MTA3: variants seen among roughly 807,000 people sequenced by gnomAD.
MTA3 encodes the protein metastasis-associated protein MTA3.
A neutral mutation model predicts 83.5 loss-of-function variants in MTA3; 34 were observed. That is an observed-to-expected ratio of 0.41 (90% CI 0.31 to 0.54). MTA3 has a LOEUF of 0.54. MTA3 is among the 20% of genes least tolerant of loss of function. MTA3 has a pLI of 0.33. For synonymous variants in MTA3, 303 were observed against 252.7 expected (o/e 1.20, Z -1.89); for missense variants, 761 against 726.4 (o/e 1.05, Z -0.55).
intron 2 of MTA3, among the ~76,000 whole-genome samples, chr2:42,502,159 G>A (rs1674426690): frequency 1.3e-5 from 2 of 151,874 alleles, no homozygotes; most frequent in Admixed American, 1.3e-4. Context: ...GGTGTTGGGG[G>A]TGGCCAACAG....
At chr2:42,517,937 G>C (rs1252199217) in intron 2 of MTA3, among the ~76,000 whole-genome samples, 1 of 151,480 alleles carries the variant, frequency 6.6e-6, no homozygotes. Context: ...TGTAATCCGA[G>C]CACTTTGGGA....
chr2:42,594,836 C>T (rs866459332), intron 3 of MTA3, among the ~76,000 whole-genome samples: 2 of 143,020 alleles, frequency 1.4e-5, no homozygotes, highest in South Asian at 4.5e-4. Context: ...ACGCCATTCT[C>T]CCGCCTCAGC....
chr2:42,633,843 C>T (rs1228324686), intron 4 of MTA3, among the ~76,000 whole-genome samples: 8 of 150,950 alleles, frequency 5.3e-5, no homozygotes, highest in African/African-American at 1.2e-4. Flanking sequence ...GAGCCGAGAC[C>T]GCGCCACTGC....
chr2:42,553,231 C>G (rs1289870896), intron 2 of MTA3, among the ~76,000 whole-genome samples: 1 of 151,654 alleles, frequency 6.6e-6, no homozygotes, highest in Non-Finnish European at 1.5e-5. Flanking sequence ...CGAGACAATC[C>G]TGGCTAACGC....
intron 3 of MTA3, among the ~76,000 whole-genome samples, chr2:42,595,521 TAAAAG>T (rs1216114405): frequency 6.6e-6 from 1 of 152,140 alleles, no homozygotes; most frequent in Non-Finnish European, 1.5e-5. Flanking sequence ...GGGAAAATAA[TAAAAG>T]AAACCTTTAG....
rs1225523677 is a variant in MTA3 at position 42,695,793 on chromosome 2, T to C, written c.920T>C (p.Ile307Thr). 3.2e-6 allele frequency: 5 copies of C among 1,583,036 alleles called. No homozygotes were observed. The highest frequency in any genetic ancestry group is 1.2e-5 in the South Asian group (1 of 85,004). Residue 307 changes from isoleucine (I) to threonine (T), a missense_variant, in exon 10 of 17, where the codon ATT (isoleucine) becomes ACT (threonine). Ile to Thr is a moderately conservative substitution (Grantham distance 89). Coordinates refer to ENST00000405094, the MANE Select transcript of MTA3 (RefSeq NM_001330442.2). ...FLPWKSLTSI[I>T]EYYYMWKTTD... ...CCTTGGAAATCATTGACTAGCATCATTGAATATTATTACATGTGGAAAACT... is the reference window on the plus strand; with the variant it reads ...CCTTGGAAATCATTGACTAGCATCACTGAATATTATTACATGTGGAAAACT...
upstream of MTA3, among the ~76,000 whole-genome samples, chr2:42,563,887 G>T (rs780632673): frequency 6.9e-6 from 1 of 144,194 alleles, no homozygotes; most frequent in Non-Finnish European, 1.5e-5. Context: ...GCAATGGCGC[G>T]ATCTCGGCTC....
chr2:42,510,797 CAG>C (rs1674864117), intron 2 of MTA3, among the ~76,000 whole-genome samples: 1 of 152,122 alleles, frequency 6.6e-6, no homozygotes, highest in African/African-American at 2.4e-5. Context: ...GAGAGCCAGG[CAG>C]AGAGAGGGGG....
chr2:42,553,868 CT>C (rs1677247031), intron 2 of MTA3, among the ~76,000 whole-genome samples: 1 of 60,684 alleles, frequency 1.6e-5, no homozygotes. Context: ...AAGACTCCAT[CT>C]CAAAAAAAAA....
chr2:42,648,304 T>C lies in MTA3; in HGVS notation c.499+4060T>C, dbSNP rs189639645. 2.6e-4 allele frequency among the ~76,000 whole-genome samples: 39 copies of C among 152,334 alleles called. 1 individual carries two copies. The highest frequency in any genetic ancestry group is 8.2e-4 in the African/African-American group (34 of 41,586). ...CAGGGAAGTTAAATAGTAGGACATA[T>C]CATATTCAAGAACAGATGTTTAGGA... On this transcript the variant is annotated intron_variant, in intron 6 of 16. Coordinates refer to ENST00000405094, the MANE Select transcript of MTA3 (RefSeq NM_001330442.2).
At chr2:42,534,599 GAAGAAA>G (rs70963327) in intron 2 of MTA3, among the ~76,000 whole-genome samples, 51,567 of 151,358 alleles carry the variant, frequency 0.34, 8,795 homozygotes, top group South Asian at 0.41. Context: ...CTAAAAAAAA[GAAGAAA>G]AAGAAAAAGA....
chr2:42,495,073 A>T (rs1051103888), intron 1 of MTA3: 1 of 152,712 alleles, frequency 6.5e-6, no homozygotes, highest in African/African-American at 2.4e-5. Context: ...AGGGTGGGGT[A>T]GGGTGAGATG....
chr2:42,717,935 C>A (rs966007476), intron 14 of MTA3, among the ~76,000 whole-genome samples: 1 of 152,066 alleles, frequency 6.6e-6, no homozygotes, highest in Non-Finnish European at 1.5e-5. Flanking sequence ...TTGTGCTTTA[C>A]GGCGATTATT....
intron 2 of MTA3, among the ~76,000 whole-genome samples, chr2:42,578,154 A>G (rs1245602005): frequency 6.6e-6 from 1 of 152,214 alleles, no homozygotes; most frequent in African/African-American, 2.4e-5. Context: ...TATATCTGTA[A>G]GACCAGAGAA....
chr2:42,556,184 T>A (rs952068615), intron 2 of MTA3, among the ~76,000 whole-genome samples: 1 of 151,636 alleles, frequency 6.6e-6, no homozygotes, highest in Non-Finnish European at 1.5e-5. Flanking sequence ...AGCCTGACTG[T>A]TTGGGTGTCT....
At chr2:42,538,758 G>GTTTTTTTTGT (rs1553339440) in intron 2 of MTA3, among the ~76,000 whole-genome samples, 1 of 129,106 alleles carries the variant, frequency 7.7e-6, no homozygotes, top group Non-Finnish European at 1.6e-5. Context: ...AGAAAAAAAT[G>GTTTTTTTTGT]TTTTTTTTGT....
rs191997059 is a variant in MTA3 at position 42,676,631 on chromosome 2, T to A, written c.703-5770T>A. Among the ~76,000 whole-genome samples, 682 of 152,226 alleles carry A rather than the reference T, an allele frequency of 4.5e-3. 1 individual carries two copies. Among genetic ancestry groups the A allele is most frequent in the Non-Finnish European group, 7.8e-3 (528 of 68,012 alleles). ...AAATACAAAAATTAGCTGGGCATTG[T>A]GGCATGCACCTGTAGTCCCAGTTAC... is the stretch of plus-strand genomic sequence containing the variant. On this transcript the variant is annotated intron_variant, in intron 8 of 16. Transcript: ENST00000405094.
chr2:42,729,795 A>G (rs1668121200), intron 16 of MTA3, among the ~76,000 whole-genome samples: 1 of 152,180 alleles, frequency 6.6e-6, no homozygotes. Flanking sequence ...GATTCCATAT[A>G]AATTTTAGGA....
At chr2:42,742,227 C>T (rs1353173596) in intron 16 of MTA3, among the ~76,000 whole-genome samples, 2 of 151,840 alleles carry the variant, frequency 1.3e-5, no homozygotes, top group African/African-American at 2.4e-5. Context: ...CAACCTCTGC[C>T]TCCTGTGTTC....
Sources: allele counts gnomAD v4.1 joint callset (sites outside exome capture counted in the v4.1 genomes callset), GRCh38; gene constraint gnomAD v4.1.1; transcripts MANE v1.5; gene names NCBI Gene and HGNC (gene_info 2026-07-23, HGNC 2026-07-21).